The following DRC2 variants were observed in gnomAD, a reference collection of about 807,000 sequenced individuals.
DRC2 encodes the protein coiled-coil domain containing 65.
At chr12:48,917,545 A>G in the DRC2 span, among the ~76,000 whole-genome samples, 1 of 152,174 alleles carries the variant, frequency 6.6e-6, no homozygotes, top group African/African-American at 2.4e-5. Context: ...CACAGTCAAT[A>G]AAACATCTAT....
At chr12:48,916,812 T>C in the DRC2 span, among the ~76,000 whole-genome samples, 3 of 152,232 alleles carry the variant, frequency 2.0e-5, no homozygotes, top group Non-Finnish European at 4.4e-5. Flanking sequence ...TTACTCATTC[T>C]TTCTAGCCCT....
the DRC2 span, among the ~76,000 whole-genome samples, chr12:48,907,491 A>G: frequency 1.3e-5 from 2 of 152,186 alleles, no homozygotes; most frequent in African/African-American, 2.4e-5. Flanking sequence ...TAGGTAAATC[A>G]CACACTGTTA....
the DRC2 span, chr12:48,921,501 C>A: frequency 2.6e-6 from 4 of 1,518,944 alleles, no homozygotes; most frequent in Admixed American, 2.3e-5. Context: ...GGAAAAAAAT[C>A]TTTCAACTCC....
At chr12:48,912,216 G>A in the DRC2 span, among the ~76,000 whole-genome samples, 3,342 of 151,778 alleles carry the variant, frequency 0.022, 60 homozygotes, top group Non-Finnish European at 0.035. Flanking sequence ...AGCCAAGATC[G>A]CACCACTGCA....
At chr12:48,917,303 A>C in the DRC2 span, among the ~76,000 whole-genome samples, 1 of 122,766 alleles carries the variant, frequency 8.1e-6, no homozygotes, top group East Asian at 3.0e-4. Context: ...GCCCCCCCAA[A>C]AAAGAAAGAA....
At chr12:48,913,655 G>A in the DRC2 span, among the ~76,000 whole-genome samples, 33 of 152,052 alleles carry the variant, frequency 2.2e-4, no homozygotes, top group Middle Eastern at 3.4e-3. Flanking sequence ...CACCATGGCC[G>A]GAATTTTTTT....
At chr12:48,908,630 A>T in the DRC2 span, among the ~76,000 whole-genome samples, 1 of 146,390 alleles carries the variant, frequency 6.8e-6, no homozygotes, top group Middle Eastern at 3.6e-3. Flanking sequence ...TTTTATTTTT[A>T]GACAGAGTCA....
At chr12:48,917,046 A>G in the DRC2 span, 2 of 1,614,058 alleles carry the variant, frequency 1.2e-6, no homozygotes, top group Admixed American at 1.7e-5. Flanking sequence ...GCAGAACTAT[A>G]TAGATTCTGA....
At chr12:48,914,220 C>G in the DRC2 span, among the ~76,000 whole-genome samples, 1 of 152,088 alleles carries the variant, frequency 6.6e-6, no homozygotes, top group Non-Finnish European at 1.5e-5. Flanking sequence ...ATTACAAATG[C>G]GAGCCACCTT....
chr12:48,912,459 A>AAAAAAAAAAAAAAAAAAAAC, the DRC2 span, among the ~76,000 whole-genome samples: 1 of 150,418 alleles, frequency 6.6e-6, no homozygotes, highest in Non-Finnish European at 1.5e-5. Context: ...AAAAAAAAAA[A>AAAAAAAAAAAAAAAAAAAAC]ATTCATGTGC....
At chr12:48,919,660 G>A in the DRC2 span, among the ~76,000 whole-genome samples, 4 of 152,008 alleles carry the variant, frequency 2.6e-5, no homozygotes, top group Non-Finnish European at 4.4e-5. Context: ...TGGAATTACA[G>A]GTGCGCACCA....
chr12:48,908,740 A>G, the DRC2 span, among the ~76,000 whole-genome samples: 1 of 151,826 alleles, frequency 6.6e-6, no homozygotes, highest in Non-Finnish European at 1.5e-5. Flanking sequence ...AGCTGGGATT[A>G]CAGGTGCATG....
At chr12:48,904,206 C>A in the DRC2 span, 2 of 1,267,280 alleles carry the variant, frequency 1.6e-6, no homozygotes, top group Non-Finnish European at 2.2e-6. Context: ...GCTGAGATCT[C>A]CGGTCCCACA....
chr12:48,911,571 T>C, the DRC2 span, among the ~76,000 whole-genome samples: 123 of 149,378 alleles, frequency 8.2e-4, no homozygotes, highest in Middle Eastern at 3.4e-3. Flanking sequence ...GAAAAAGAAA[T>C]AGAAATAGAG....
the DRC2 span, chr12:48,905,203 G>C: frequency 2.6e-6 from 3 of 1,163,524 alleles, no homozygotes; most frequent in South Asian, 3.6e-5. Context: ...GCCCTCACAA[G>C]ACACAGGCTG....
At chr12:48,919,639 T>A in the DRC2 span, among the ~76,000 whole-genome samples, 1 of 152,020 alleles carries the variant, frequency 6.6e-6, no homozygotes, top group African/African-American at 2.4e-5. Context: ...TGCCTCAGCC[T>A]CCTGAGTAGC....
At chr12:48,913,925 CTTTTTTTTTTT>C in the DRC2 span, among the ~76,000 whole-genome samples, 3 of 96,002 alleles carry the variant, frequency 3.1e-5, no homozygotes, top group East Asian at 9.8e-4. Flanking sequence ...CGTGCCCAGT[CTTTTTTTTTTT>C]TTTTTTTTTT....
At chr12:48,909,631 C>G in the DRC2 span, among the ~76,000 whole-genome samples, 4 of 152,100 alleles carry the variant, frequency 2.6e-5, no homozygotes, top group African/African-American at 9.7e-5. Context: ...GCGTGCGCCA[C>G]GACACTCAGC....
the DRC2 span, chr12:48,918,936 T>G: frequency 6.5e-7 from 1 of 1,542,830 alleles, no homozygotes; most frequent in Non-Finnish European, 8.9e-7. Flanking sequence ...CAGAATAAAG[T>G]CAAGGAACCT....
Sources: gnomAD v4.1 joint callset for allele counts (sites outside exome capture counted in the v4.1 genomes callset) on GRCh38, gnomAD v4.1.1 for gene constraint, MANE v1.5 for transcripts, NCBI Gene and HGNC (gene_info 2026-07-23, HGNC 2026-07-21) for gene names.